Variants in CASZ1 observed in about 807,000 individuals in gnomAD.
CASZ1 encodes the protein castor zinc finger 1.
A neutral mutation model predicts 135.2 loss-of-function variants in CASZ1; 28 were observed. The ratio of observed to expected loss-of-function variants is 0.21; its 90% CI spans 0.15 to 0.28. CASZ1 has a LOEUF of 0.28. Ranked by LOEUF, CASZ1 falls within the 10% of genes least tolerant of loss-of-function variation. The pLI, the probability that CASZ1 is intolerant of heterozygous loss-of-function variation, is 1.00. For synonymous variants in CASZ1, 1,068 were observed against 1,073.4 expected (o/e 0.99, Z 0.10); for missense variants, 2,161 against 2,453.3 (o/e 0.88, Z 2.52).
rs1639248397 is a variant in CASZ1 at position 10,709,717 on chromosome 1, A to G, written c.-76-4173T>C. Among the ~76,000 whole-genome samples the G allele has an allele frequency of 6.6e-6, 1 of 152,228 alleles. No homozygotes were observed. Among genetic ancestry groups the G allele is most frequent in the Non-Finnish European group, 1.5e-5 (1 of 68,038 alleles). The stretch of plus-strand genomic sequence containing the variant: ...GGCTGGGGAGAGAAAGGCCCCAGGC[A>G]GGGGCTGAGCAGTGCCCCGGGCAGT... On this transcript the variant is annotated intron_variant, in intron 2 of 20. Coordinates refer to ENST00000377022, the MANE Select transcript of CASZ1 (RefSeq NM_001079843.3). The surrounding 1 kb of genome is among the most constrained non-coding windows in gnomAD (Gnocchi z 5.1).
intron 15 of CASZ1, 74 bp from the exon 16 acceptor site, chr1:10,648,213 TCAC>T (rs1642437490): frequency 9.0e-7 from 1 of 1,106,584 alleles, no homozygotes; most frequent in Non-Finnish European, 1.3e-6. Flanking sequence ...TGTGACCCCA[TCAC>T]AGGCCTAGAC....
Position 10,788,278 on chromosome 1 carries a change from C to T in CASZ1, c.-234+8286G>A, listed in dbSNP as rs1216969149. ...CAACCTGAGTGCTAGCCCCGATCCA[C>T]CTATGGGGTCCCCTGGGTGACAGTT... is the stretch of plus-strand genomic sequence containing the variant. On this transcript the variant is annotated intron_variant, in intron 1 of 20. Transcript: ENST00000377022. The surrounding 1 kb of genome is among the most constrained non-coding windows in gnomAD (Gnocchi z 4.1). Among the ~76,000 whole-genome samples, 1 of 152,136 alleles carries T rather than the reference C, an allele frequency of 6.6e-6. No individual in the cohort carries two copies. Among genetic ancestry groups the T allele is most frequent in the Admixed American group, 6.5e-5 (1 of 15,276 alleles).
intron 4 of CASZ1, among the ~76,000 whole-genome samples, chr1:10,688,725 AG>A (rs1262061467): frequency 4.6e-5 from 7 of 152,124 alleles, no homozygotes; most frequent in Non-Finnish European, 1.0e-4. Flanking sequence ...TGCTGAGTCG[AG>A]GGTGTCAGGG....
intron 4 of CASZ1, 98 bp downstream of exon 4, chr1:10,693,776 G>A (rs1316498892): frequency 5.2e-6 from 2 of 387,758 alleles, no homozygotes; most frequent in African/African-American, 5.1e-5. Context: ...GCCCCCACCC[G>A]GCCCCGCCGC....
chr1:10,653,235 A>G, intron 11 of CASZ1, 142 bp downstream of exon 11: 1 of 899,912 alleles, frequency 1.1e-6, no homozygotes, highest in African/African-American at 1.6e-5. Context: ...GGCGAAGATC[A>G]GGCAAAGAGG....
chr1:10,742,463 A>G (rs946305662), intron 2 of CASZ1, among the ~76,000 whole-genome samples: 1 of 152,196 alleles, frequency 6.6e-6, no homozygotes, highest in Non-Finnish European at 1.5e-5. Context: ...GATTCCAGCC[A>G]GGCCTGAGTC....
intron 2 of CASZ1, among the ~76,000 whole-genome samples, chr1:10,722,858 C>A (rs575259041): frequency 4.6e-5 from 7 of 152,242 alleles, no homozygotes; most frequent in South Asian, 2.1e-4. Context: ...CTCTCCCCCC[C>A]AAAAAGGCCT....
Position 10,639,621 on chromosome 1 carries a change from C to T in CASZ1, c.4601G>A (p.Arg1534His), listed in dbSNP as rs1299223191. Residue 1534 changes from arginine to histidine, a missense_variant, in exon 21 of 21, where the codon CGC becomes CAC. Around this residue, in one of 7 missense-constraint regions of CASZ1, gnomAD observed 240 missense variants for 321.4 expected, o/e 0.75. Coordinates refer to ENST00000377022, the MANE Select transcript of CASZ1 (RefSeq NM_001079843.3). The surrounding 1 kb of genome is among the most constrained non-coding windows in gnomAD (Gnocchi z 4.0). ...CACGTCCTGTTTGCCGTGGTGCTTG[C>T]GATGCGCCGTGACCTTGGTGCTGTC... ...CTDSTKVTAH[R>H]KHHGKQDVIS... 2 of 1,609,226 alleles carry T rather than the reference C, an allele frequency of 1.2e-6. No individual in the cohort carries two copies. Among genetic ancestry groups the T allele is most frequent in the Non-Finnish European group, 1.7e-6 (2 of 1,179,292 alleles).
intron 2 of CASZ1, among the ~76,000 whole-genome samples, chr1:10,758,513 G>A (rs2100570922): frequency 6.6e-6 from 1 of 152,188 alleles, no homozygotes; most frequent in East Asian, 1.9e-4. Context: ...TGTATTTTTA[G>A]TAGAGATGGG....
chr1:10,649,460 A>T (rs1182221411), intron 13 of CASZ1, 23 bp from the exon 14 acceptor site: 1 of 1,593,844 alleles, frequency 6.3e-7, no homozygotes, highest in South Asian at 1.1e-5. Flanking sequence ...GAGGCCGAGC[A>T]TGGGGCTGGG....
At position 10,724,574 on chromosome 1, in the gene CASZ1, A is replaced by C. The variant is rs561687826; in HGVS notation, c.-76-19030T>G. Among the ~76,000 whole-genome samples the C allele has an allele frequency of 5.9e-5, 9 of 152,328 alleles. 1 individual carries two copies. The South Asian group carries it at 1.9e-3, about 32-fold the overall frequency. ...AGGCTTTGGAGCCCAGGAATCACCT[A>C]GCCCTCAGGGGTAGGGGCTCAGGGA... On this transcript the variant is annotated intron_variant, in intron 2 of 20. Coordinates refer to ENST00000377022, the MANE Select transcript of CASZ1 (RefSeq NM_001079843.3). The surrounding 1 kb of genome is among the most constrained non-coding windows in gnomAD (Gnocchi z 4.1).
chr1:10,674,442 A>G (rs1643499486), intron 4 of CASZ1, among the ~76,000 whole-genome samples: 1 of 152,260 alleles, frequency 6.6e-6, no homozygotes, highest in South Asian at 2.1e-4. Context: ...GAGGGCGTCC[A>G]GCCCTCTGAG....
chr1:10,728,446 C>A (rs1305826576), intron 2 of CASZ1, among the ~76,000 whole-genome samples: 2 of 152,206 alleles, frequency 1.3e-5, no homozygotes, highest in Non-Finnish European at 2.9e-5. Context: ...CTCCGGTCAC[C>A]AGGACAATCC....
At position 10,665,227 on chromosome 1, in the gene CASZ1, C is replaced by T. The variant is rs1346354979; in HGVS notation, c.361G>A (p.Val121Ile). ...REGLELPPEG[V>I]YMVQPQGCSD... The stretch of plus-strand genomic sequence containing the variant: ...CACCCCTGGGGCTGCACCATGTAGA[C>T]ACCCTCGGGAGGCAGCTCCAGGCCC... The change falls in exon 5 of 21, where the codon GTC becomes ATC. Residue 121 changes from valine (V) to isoleucine (I), a missense_variant. Coordinates refer to ENST00000377022, the MANE Select transcript of CASZ1 (RefSeq NM_001079843.3). 4 of 1,596,808 alleles carry T rather than the reference C, an allele frequency of 2.5e-6. No homozygotes were observed. Among genetic ancestry groups the T allele is most frequent in the Non-Finnish European group, 3.4e-6 (4 of 1,169,926 alleles).
At chr1:10,786,596 C>T (rs1640863796) in intron 1 of CASZ1, among the ~76,000 whole-genome samples, 1 of 152,208 alleles carries the variant, frequency 6.6e-6, no homozygotes. Flanking sequence ...CGTCTTAGCT[C>T]GTGTAACCCT....
At chr1:10,746,222 G>A (rs182400858) in intron 2 of CASZ1, among the ~76,000 whole-genome samples, 2 of 152,198 alleles carry the variant, frequency 1.3e-5, no homozygotes, top group Non-Finnish European at 1.5e-5. Context: ...TTGGAAGAGC[G>A]GGGAGGGAAG....
At chr1:10,688,347 C>T (rs546536516) in intron 4 of CASZ1, among the ~76,000 whole-genome samples, 1 of 152,258 alleles carries the variant, frequency 6.6e-6, no homozygotes, top group South Asian at 2.1e-4. Context: ...GCAGGGAGGG[C>T]CCGGCTTTAG....
intron 1 of CASZ1, among the ~76,000 whole-genome samples, chr1:10,772,033 G>A (rs930981617): frequency 6.6e-6 from 1 of 152,206 alleles, no homozygotes; most frequent in Non-Finnish European, 1.5e-5. Flanking sequence ...GGCACTGACT[G>A]CCAAGGCAAC....
chr1:10,703,062 G>C (rs1639098096), intron 3 of CASZ1, among the ~76,000 whole-genome samples: 1 of 151,800 alleles, frequency 6.6e-6, no homozygotes, highest in Non-Finnish European at 1.5e-5. Context: ...GCAGAGAGGA[G>C]GCCTGGAGGG....
Sources: allele counts gnomAD v4.1 joint callset (sites outside exome capture counted in the v4.1 genomes callset), GRCh38; gene constraint gnomAD v4.1.1; regional missense constraint gnomAD v4.1.1; non-coding constraint Gnocchi (gnomAD v3.1); transcripts MANE v1.5; gene names NCBI Gene and HGNC (gene_info 2026-07-23, HGNC 2026-07-21).